The following RFX3 variants were observed in gnomAD, a reference collection of about 807,000 sequenced individuals.
RFX3 encodes the protein regulatory factor X3, also known as transcription factor RFX3.
Under a neutral mutation model 98.6 loss-of-function variants are expected in RFX3, and 14 were observed. That is an observed-to-expected ratio of 0.14 (90% CI 0.09 to 0.22). The LOEUF (loss-of-function observed/expected upper bound fraction) is 0.22, where lower values mean the gene tolerates loss of function less well. RFX3 is among the 10% of genes least tolerant of loss of function. RFX3 has a pLI of 1.00. For synonymous variants in RFX3, 383 were observed against 328.4 expected (o/e 1.17, Z -1.80); for missense variants, 639 against 926.9 (o/e 0.69, Z 4.03).
At chr9:3,283,843 C>T (rs892494671) in intron 7 of RFX3, among the ~76,000 whole-genome samples, 1 of 141,924 alleles carries the variant, frequency 7.0e-6, no homozygotes, top group East Asian at 2.0e-4. Flanking sequence ...ATTTCATATG[C>T]AAAAATTTTA....
At chr9:3,434,266 T>C (rs1307596257) in intron 1 of RFX3, among the ~76,000 whole-genome samples, 1 of 152,084 alleles carries the variant, frequency 6.6e-6, no homozygotes, top group Non-Finnish European at 1.5e-5. Flanking sequence ...TCAATAAATA[T>C]TTAAGAAATG....
intron 1 of RFX3, among the ~76,000 whole-genome samples, chr9:3,404,690 T>C (rs1841801201): frequency 6.6e-6 from 1 of 152,302 alleles, no homozygotes; most frequent in Admixed American, 6.5e-5. Context: ...TACAAAAATA[T>C]AGTTGTCATT....
intron 5 of RFX3, among the ~76,000 whole-genome samples, chr9:3,300,346 G>T (rs933229494): frequency 1.3e-5 from 2 of 151,662 alleles, no homozygotes; most frequent in East Asian, 1.9e-4. Context: ...TCTCCAAGTT[G>T]GCTAACCTGG....
intron 1 of RFX3, among the ~76,000 whole-genome samples, chr9:3,472,913 C>A (rs909349228): frequency 2.6e-5 from 4 of 152,166 alleles, no homozygotes; most frequent in Non-Finnish European, 5.9e-5. Flanking sequence ...CCAACTACTG[C>A]AGTAACGAGA....
intron 1 of RFX3, among the ~76,000 whole-genome samples, chr9:3,524,015 G>C (rs1818975153): frequency 6.6e-6 from 1 of 152,128 alleles, no homozygotes; most frequent in African/African-American, 2.4e-5. Context: ...ACAATCTCAA[G>C]AATAATTAGT....
chr9:3,303,474 AT>A (rs1586952283), intron 4 of RFX3, among the ~76,000 whole-genome samples: 1 of 151,948 alleles, frequency 6.6e-6, no homozygotes, highest in Non-Finnish European at 1.5e-5. Context: ...TTGAGGTAAG[AT>A]TTCAGTCTAG....
At chr9:3,398,680 C>G (rs1206480480) in intron 1 of RFX3, among the ~76,000 whole-genome samples, 1 of 152,010 alleles carries the variant, frequency 6.6e-6, no homozygotes, top group African/African-American at 2.4e-5. Context: ...TCCTATTTCC[C>G]CCAGAGCTGG....
At chr9:3,439,142 A>T (rs1167587746) in intron 1 of RFX3, among the ~76,000 whole-genome samples, 4 of 151,918 alleles carry the variant, frequency 2.6e-5, no homozygotes, top group Non-Finnish European at 4.4e-5. Context: ...TAAAAAAAAT[A>T]AAAATAAAAA....
In RFX3 at chr9:3,331,176, C is replaced by T. The variant is rs575899764; in HGVS notation, c.216-659G>A. On this transcript the variant is annotated intron_variant, in intron 3 of 16. Transcript: ENST00000617270. ...ACTACAGTCAAGCTTCTGCCCTTAG[C>T]CTTTCATTAGAACTGCTTTTAATAA... is the stretch of plus-strand genomic sequence containing the variant. 2.0e-5 allele frequency among the ~76,000 whole-genome samples: 3 copies of T among 152,280 alleles called. No homozygotes were observed. In the South Asian group the frequency reaches 6.2e-4, roughly 32 times the overall value.
chr9:3,348,147 G>C (rs193161408), intron 2 of RFX3, among the ~76,000 whole-genome samples: 51 of 152,052 alleles, frequency 3.4e-4, no homozygotes, highest in African/African-American at 1.2e-3. Flanking sequence ...CAAGAAACTG[G>C]GTCATTTATC....
At chr9:3,464,444 A>G (rs1047188969) in intron 1 of RFX3, among the ~76,000 whole-genome samples, 2 of 152,214 alleles carry the variant, frequency 1.3e-5, no homozygotes, top group South Asian at 4.1e-4. Flanking sequence ...ACAGTAAACT[A>G]CCACTCAGCA....
At chr9:3,512,101 AAAT>A (rs908705357) in intron 1 of RFX3, among the ~76,000 whole-genome samples, 5 of 151,298 alleles carry the variant, frequency 3.3e-5, no homozygotes, top group African/African-American at 1.2e-4. Flanking sequence ...CAAAAATAAT[AAAT>A]AATAAGAGAA....
At chr9:3,475,126 A>G (rs1487494147) in intron 1 of RFX3, among the ~76,000 whole-genome samples, 1 of 151,746 alleles carries the variant, frequency 6.6e-6, no homozygotes, top group East Asian at 1.9e-4. Flanking sequence ...AAGAAAAAGA[A>G]AAAGGAAGGA....
At chr9:3,449,545 A>G (rs779470944) in intron 1 of RFX3, among the ~76,000 whole-genome samples, 2 of 152,222 alleles carry the variant, frequency 1.3e-5, no homozygotes, top group African/African-American at 2.4e-5. Context: ...TTAAAAGACT[A>G]TTCTTTACAG....
intron 2 of RFX3, among the ~76,000 whole-genome samples, chr9:3,394,387 C>T (rs928744882): frequency 2.0e-5 from 3 of 152,034 alleles, no homozygotes; most frequent in African/African-American, 4.8e-5. Context: ...GGTGTGAACC[C>T]GGGAGGCAGA....
chr9:3,359,038 C>T (rs1436788029), intron 2 of RFX3, among the ~76,000 whole-genome samples: 1 of 151,524 alleles, frequency 6.6e-6, no homozygotes, highest in African/African-American at 2.4e-5. Context: ...CAGAGCCCAC[C>T]CATATCATCT....
intron 14 of RFX3, among the ~76,000 whole-genome samples, chr9:3,251,997 C>T (rs612229): frequency 0.79 from 120,021 of 152,002 alleles, 48,931 homozygotes; most frequent in Non-Finnish European, 0.89. Flanking sequence ...TACAAACATG[C>T]GCCACCACGC....
At chr9:3,508,628 G>A (rs943510879) in intron 1 of RFX3, among the ~76,000 whole-genome samples, 1 of 151,818 alleles carries the variant, frequency 6.6e-6, no homozygotes, top group Admixed American at 6.6e-5. Flanking sequence ...TTTGTTGAAG[G>A]TGAGGCTAAA....
intron 9 of RFX3, among the ~76,000 whole-genome samples, chr9:3,273,576 A>G (rs1336506857): frequency 6.6e-6 from 1 of 152,242 alleles, no homozygotes; most frequent in South Asian, 2.1e-4. Context: ...TTAAAAATCC[A>G]TTATAGGGTG....
Sources: gnomAD v4.1 joint callset for allele counts (sites outside exome capture counted in the v4.1 genomes callset) on GRCh38, gnomAD v4.1.1 for gene constraint, MANE v1.5 for transcripts, NCBI Gene and HGNC (gene_info 2026-07-23, HGNC 2026-07-21) for gene names.